DNAH17: variants seen among roughly 807,000 people sequenced by gnomAD.
DNAH17 encodes the protein axonemal beta dynein heavy chain 17.
A neutral mutation model predicts 485.6 loss-of-function variants in DNAH17; 376 were observed. That is an observed-to-expected ratio of 0.77 (90% CI 0.71 to 0.84). The LOEUF (loss-of-function observed/expected upper bound fraction) is 0.84, where lower values mean the gene tolerates loss of function less well. Ranked by LOEUF, DNAH17 falls within the 40% of genes least tolerant of loss-of-function variation. The pLI is 0.00. For missense variants in DNAH17, 6,370 were observed against 5,839.3 expected, an observed-to-expected ratio of 1.09 and a Z score of -2.96; for synonymous variants, 3,031 against 2,405.9, an observed-to-expected ratio of 1.26 and a Z score of -7.60.
In DNAH17 at chr17:78,475,247, A is replaced by T. The variant is rs763438987; in HGVS notation, c.8511+31T>A. 11 of 1,608,650 alleles carry T rather than the reference A, an allele frequency of 6.8e-6. 1 individual carries two copies. ...TTCTTTACTCCCTGACCCTACCCTG[A>T]AAGGCAGCCTATTGAACAGTAAGCT... On this transcript the variant is annotated intron_variant, in intron 54 of 80. Transcript: ENST00000389840.
At position 78,458,998 on chromosome 17, in the gene DNAH17, T is replaced by TA. The variant is rs768134579; in HGVS notation, c.9861+2dup. 34 of 1,613,908 alleles carry TA rather than the reference T, an allele frequency of 2.1e-5. No homozygotes were observed. The highest frequency in any genetic ancestry group is 2.7e-5 in the Non-Finnish European group (32 of 1,179,900). On this transcript the variant is annotated splice_region_variant and intron_variant, in intron 61 of 80. Coordinates refer to ENST00000389840, the MANE Select transcript of DNAH17 (RefSeq NM_173628.4). ...GCAGGGACGGGAGCGAGCCGGCACT[T>TA]ACGGCAATCTTGTTTTTGATCCGGG...
chr17:78,554,300 T>C (rs2091971043), intron 14 of DNAH17, among the ~76,000 whole-genome samples: 2 of 151,200 alleles, frequency 1.3e-5, no homozygotes, highest in South Asian at 4.2e-4. Context: ...ATTAGCCCGG[T>C]GTGGTGGTGT....
At position 78,558,242 on chromosome 17, in the gene DNAH17, G is replaced by C; in HGVS notation, c.2044C>G (p.Leu682Val). ...AAATTCAAATACTTGACTTCTCTCAGAACTGCCACCAACTAAATGACAAAC... is the reference window on the plus strand; with the variant it reads ...AAATTCAAATACTTGACTTCTCTCACAACTGCCACCAACTAAATGACAAAC... ...VNFSKALVAV[L>V]REVKYLNFQQ... Residue 682 changes from leucine to valine, a missense_variant, in exon 14 of 81, where the codon CTG becomes GTG. Transcript: ENST00000389840. The C allele has an allele frequency of 6.2e-7, 1 of 1,613,598 alleles. No individual in the cohort carries two copies. The highest frequency in any genetic ancestry group is 8.5e-7 in the Non-Finnish European group (1 of 1,179,722).
chr17:78,442,628 C>T (rs2087117581), intron 71 of DNAH17, among the ~76,000 whole-genome samples: 1 of 151,376 alleles, frequency 6.6e-6, no homozygotes, highest in South Asian at 2.1e-4. Flanking sequence ...CAGAAGCATG[C>T]AGGCTGGGTT....
At chr17:78,461,950 G>A (rs1459181415) in intron 57 of DNAH17, among the ~76,000 whole-genome samples, 1 of 152,050 alleles carries the variant, frequency 6.6e-6, no homozygotes, top group Non-Finnish European at 1.5e-5. Context: ...TTGGCAAGGT[G>A]ACTGAATAGA....
intron 22 of DNAH17, among the ~76,000 whole-genome samples, chr17:78,529,099 G>A (rs189482235): frequency 2.6e-5 from 4 of 152,184 alleles, no homozygotes; most frequent in Admixed American, 2.6e-4. Context: ...GCCAGCCACA[G>A]CTGGCTAATT....
chr17:78,558,163 T>G lies in DNAH17; in HGVS notation c.2123A>C (p.Glu708Ala). ...DSAESLFSENETFRKFVGNLE... is the reference protein window; with the variant it reads ...DSAESLFSENATFRKFVGNLE... ...GTTGCCCACAAACTTCCGGAAAGTT[T>G]CGTTCTCTGAGAACAGACTCTCCGC... Residue 708 changes from glutamate (E) to alanine (A), a missense_variant, in exon 14 of 81, where the codon GAA becomes GCA. Glu to Ala is a moderately radical substitution (Grantham distance 107). Coordinates refer to ENST00000389840, the MANE Select transcript of DNAH17 (RefSeq NM_173628.4). The G allele has an allele frequency of 6.2e-7, 1 of 1,613,866 alleles. No individual in the cohort carries two copies. The highest frequency in any genetic ancestry group is 8.5e-7 in the Non-Finnish European group (1 of 1,179,838).
rs749013998 is a variant in DNAH17, at chr17:78,459,164, G to A, written c.9698C>T (p.Ser3233Phe). 8 of 1,613,980 alleles carry A rather than the reference G, an allele frequency of 5.0e-6. No individual in the cohort carries two copies. The East Asian group carries it at 1.3e-4, about 27-fold the overall frequency. The change falls in exon 61 of 81, where the codon TCC becomes TTC. Residue 3233 changes from serine to phenylalanine, a missense_variant. Ser to Phe is a radical substitution (Grantham distance 155, BLOSUM62 -2). Transcript: ENST00000389840. ...CAGGCCGGCGGCGGCCGTGGACTTGGAGCGGATGAACTCGGGGTCGAACGT... is the reference window on the plus strand; with the variant it reads ...CAGGCCGGCGGCGGCCGTGGACTTGAAGCGGATGAACTCGGGGTCGAACGT... Reference protein sequence around the residue: ...NPTFDPEFIRSKSTAAAGLCS... With the variant: ...NPTFDPEFIRFKSTAAAGLCS...
chr17:78,501,199 G>A lies in DNAH17; in HGVS notation c.5468C>T (p.Thr1823Ile), dbSNP rs750569857. The A allele has an allele frequency of 6.3e-7, 1 of 1,588,100 alleles. No individual in the cohort carries two copies. Reference protein sequence around the residue: ...YLGNTPRLVITPLTDRCYITL... With the variant: ...YLGNTPRLVIIPLTDRCYITL... Reference sequence around the variant, plus strand: ...CGGGCCTCACCTGTCAGTGAGTGGGGTGATGACCAGCCGCGGCGTGTTGCC... The same window carrying A: ...CGGGCCTCACCTGTCAGTGAGTGGGATGATGACCAGCCGCGGCGTGTTGCC... Residue 1823 changes from threonine to isoleucine, a missense_variant, in exon 35 of 81, where the codon ACC becomes ATC. By Grantham distance (89) the Thr-to-Ile change is moderately conservative. Transcript: ENST00000389840.
rs749091045 is a variant in DNAH17 at position 78,495,052 on chromosome 17, G to A, written c.5949C>T (p.Ile1983=). Reference sequence around the variant, plus strand: ...CCAGAAAGCCCTCGGCCATGAGCATGATCTCACATATCAGTTCGAAGTCGG... The same window carrying A: ...CCAGAAAGCCCTCGGCCATGAGCATAATCTCACATATCAGTTCGAAGTCGG... ...VVPDFELICE[I]MLMAEGFLEA... is the part of the protein sequence containing the mutation. Residue 1983 remains isoleucine (I), a synonymous_variant, in exon 39 of 81, where the codon ATC becomes ATT. Transcript: ENST00000389840. The A allele has an allele frequency of 5.6e-6, 9 of 1,611,454 alleles. No individual in the cohort carries two copies. Among genetic ancestry groups the A allele is most frequent in the Non-Finnish European group, 7.6e-6 (9 of 1,178,884 alleles).
chr17:78,484,745 C>CCGG, intron 48 of DNAH17, 123 bp downstream of exon 48: 17 of 438,012 alleles, frequency 3.9e-5, no homozygotes, highest in Non-Finnish European at 5.4e-5. Flanking sequence ...CAGCACCCCC[C>CCGG]CCACCGCCCC....
rs755606517 is a variant in DNAH17, at chr17:78,571,789, A to C, written c.540-7T>G. The C allele has an allele frequency of 3.2e-6, 5 of 1,569,032 alleles. No individual in the cohort carries two copies. Among genetic ancestry groups the C allele is most frequent in the Non-Finnish European group, 4.3e-6 (5 of 1,156,592 alleles). On this transcript the variant is annotated splice_region_variant and splice_polypyrimidine_tract_variant and intron_variant, in intron 3 of 80. Transcript: ENST00000389840. ...GTCCAGTGAAGAGGGGATCCTGCCC[A>C]GTGGAAGGTTGGGGCATTGCTCTCA... is the stretch of plus-strand genomic sequence containing the variant.
rs536810773 is a variant in DNAH17, at chr17:78,530,214, G to C, written c.3284+129C>G. 19 of 1,183,344 alleles carry C rather than the reference G, an allele frequency of 1.6e-5. No homozygotes were observed. The African/African-American group carries it at 2.5e-4, about 15-fold the overall frequency. 73.3% of individuals were successfully genotyped at this position (1,183,344 alleles called of 1,614,324 possible). A position where few individuals can be genotyped will look rare whatever the true frequency, so the allele number is the denominator to read the frequency against. ...CACGCTTGGTGGGGTAGTTGGCCTT[G>C]AAGCCCAGCCTCCACCCCCTGCTAC... On this transcript the variant is annotated intron_variant, in intron 21 of 80. Transcript: ENST00000389840.
At chr17:78,574,636 T>C in intron 2 of DNAH17, 77 bp downstream of exon 2, 3 of 1,299,376 alleles carry the variant, frequency 2.3e-6, no homozygotes, top group Non-Finnish European at 3.2e-6. Flanking sequence ...GACTCCAGGC[T>C]GAGCAGCAGG....
In DNAH17 at chr17:78,437,765, G is replaced by A; in HGVS notation, c.11909C>T (p.Pro3970Leu). Reference sequence around the variant, plus strand: ...GATGTGGGTCTCGGGGCTGGGGGCAGGCTCCGCGCTGATGAACACCCGGTA... The same window carrying A: ...GATGTGGGTCTCGGGGCTGGGGGCAAGCTCCGCGCTGATGAACACCCGGTA... Reference protein sequence around the residue: ...EDYRVFISAEPAPSPETHIIP... With the variant: ...EDYRVFISAELAPSPETHIIP... The change falls in exon 74 of 81, where the codon CCT (proline) becomes CTT (leucine). Residue 3970 changes from proline to leucine, a missense_variant. Physicochemically the swap from Pro to Leu is moderately conservative, Grantham distance 98. Coordinates refer to ENST00000389840, the MANE Select transcript of DNAH17 (RefSeq NM_173628.4). The A allele has an allele frequency of 3.7e-6, 6 of 1,612,546 alleles. No individual in the cohort carries two copies. Among genetic ancestry groups the A allele is most frequent in the Non-Finnish European group, 5.1e-6 (6 of 1,179,746 alleles).
At chr17:78,488,224 G>A (rs536733600) in intron 44 of DNAH17, among the ~76,000 whole-genome samples, 30 of 152,320 alleles carry the variant, frequency 2.0e-4, no homozygotes, top group African/African-American at 5.5e-4. Flanking sequence ...GAGACAGGCC[G>A]ACTTTCTCAC....
In DNAH17 at chr17:78,492,897, G is replaced by A. The variant is rs2089925934; in HGVS notation, c.6409-132C>T. ...ATGGAGTTTCACTCTTGTCACCGAGGCTGGAGTGCAGTGGTGTGATCTCAG... is the reference window on the plus strand; with the variant it reads ...ATGGAGTTTCACTCTTGTCACCGAGACTGGAGTGCAGTGGTGTGATCTCAG... On this transcript the variant is annotated intron_variant, in intron 41 of 80. Coordinates refer to ENST00000389840, the MANE Select transcript of DNAH17 (RefSeq NM_173628.4). 1.3e-5 allele frequency: 12 copies of A among 898,600 alleles called. No individual in the cohort carries two copies. The South Asian group carries it at 2.0e-4, about 15-fold the overall frequency. 55.7% of individuals were successfully genotyped at this position (898,600 alleles called of 1,614,324 possible). A position where few individuals can be genotyped will look rare whatever the true frequency, so the allele number is the denominator to read the frequency against.
intron 26 of DNAH17, 49 bp from the exon 27 acceptor site, chr17:78,510,555 T>G: frequency 6.2e-7 from 1 of 1,604,436 alleles, no homozygotes; most frequent in Non-Finnish European, 8.5e-7. Context: ...ATGTGCACTC[T>G]GCAGTGGGCA....
At chr17:78,428,417 G>A (rs547569738) in intron 77 of DNAH17, 108 bp downstream of exon 77, 2 of 1,344,892 alleles carry the variant, frequency 1.5e-6, no homozygotes, top group African/African-American at 1.4e-5. Context: ...GGGGCAGAGT[G>A]TACCTCACCA....
Sources: allele counts gnomAD v4.1 joint callset (sites outside exome capture counted in the v4.1 genomes callset), GRCh38; gene constraint gnomAD v4.1.1; transcripts MANE v1.5; gene names NCBI Gene and HGNC (gene_info 2026-07-23, HGNC 2026-07-21).